The following RBMS3 variants were observed in gnomAD, a reference collection of about 807,000 sequenced individuals.
RBMS3 encodes the protein RNA binding motif single stranded interacting protein 3, also known as RNA-binding motif, single-stranded-interacting protein 3.
RBMS3 carries 27 observed loss-of-function variants against 66.8 expected under a neutral mutation model. The observed-to-expected ratio is 0.40, with a 90% CI of 0.30 to 0.56. The LOEUF (loss-of-function observed/expected upper bound fraction) is 0.56, where lower values mean the gene tolerates loss of function less well. Among genes scored for constraint, RBMS3 ranks in the 20% least tolerant of loss-of-function variants. The pLI is 0.40. For missense variants in RBMS3, 513 were observed against 549.5 expected, an observed-to-expected ratio of 0.93 and a Z score of 0.66; for synonymous variants, 188 against 183.0, an observed-to-expected ratio of 1.03 and a Z score of -0.22.
chr3:29,467,981 G>T lies in RBMS3; in HGVS notation c.249-20460G>T, dbSNP rs540807550. Among the ~76,000 whole-genome samples, 36 of 152,170 alleles carry T rather than the reference G, an allele frequency of 2.4e-4. 1 individual carries two copies. The South Asian group carries it at 7.3e-3, about 31-fold the overall frequency. ...ATTAAGAACTTTTTTCTTGGTAGAGGACTAAATAATGCTTTACCTCTTTGC... is the reference window on the plus strand; with the variant it reads ...ATTAAGAACTTTTTTCTTGGTAGAGTACTAAATAATGCTTTACCTCTTTGC... On this transcript the variant is annotated intron_variant, in intron 2 of 14. Transcript: ENST00000383767.
intron 4 of RBMS3, among the ~76,000 whole-genome samples, chr3:29,663,224 A>G (rs1460774992): frequency 2.0e-5 from 3 of 152,002 alleles, no homozygotes; most frequent in African/African-American, 7.2e-5. Flanking sequence ...AATCATCTTC[A>G]TGAACATTTC....
At chr3:29,639,982 G>A (rs2049635395) in intron 4 of RBMS3, among the ~76,000 whole-genome samples, 1 of 151,778 alleles carries the variant, frequency 6.6e-6, no homozygotes, top group African/African-American at 2.4e-5. Flanking sequence ...ATAATGTGTT[G>A]TCCTGAACTC....
chr3:29,532,055 T>C (rs902894309), intron 3 of RBMS3, among the ~76,000 whole-genome samples: 3 of 151,988 alleles, frequency 2.0e-5, no homozygotes, highest in Middle Eastern at 3.4e-3. Context: ...CCTGATAACA[T>C]TGCAGCCATT....
intron 1 of RBMS3, among the ~76,000 whole-genome samples, chr3:29,347,651 G>A (rs1281418229): frequency 1.3e-5 from 2 of 152,156 alleles, no homozygotes; most frequent in East Asian, 3.9e-4. Flanking sequence ...TTTTACCCCT[G>A]AAATTCATGA....
intron 7 of RBMS3, among the ~76,000 whole-genome samples, chr3:29,883,578 T>C (rs1367934098): frequency 6.6e-6 from 1 of 152,042 alleles, no homozygotes; most frequent in Non-Finnish European, 1.5e-5. Context: ...TACCTCCTTA[T>C]TAGCCATGTG....
chr3:29,524,530 CTA>C (rs1215001999), intron 3 of RBMS3, among the ~76,000 whole-genome samples: 1 of 144,390 alleles, frequency 6.9e-6, no homozygotes, highest in Non-Finnish European at 1.5e-5. Context: ...CGGTTTCAAG[CTA>C]TTCTCCTGCC....
intron 6 of RBMS3, among the ~76,000 whole-genome samples, chr3:29,780,779 C>T (rs1264418830): frequency 1.3e-5 from 2 of 152,062 alleles, no homozygotes; most frequent in East Asian, 3.9e-4. Context: ...CCTTATAATA[C>T]ATCTTATCTC....
intron 14 of RBMS3, among the ~76,000 whole-genome samples, chr3:29,996,030 T>A (rs200173131): frequency 0.051 from 7,718 of 151,986 alleles, 433 homozygotes; most frequent in East Asian, 0.16. Flanking sequence ...CCCATCTCAC[T>A]TGCAGAGACA....
At chr3:29,835,218 C>A (rs1018154930) in intron 6 of RBMS3, among the ~76,000 whole-genome samples, 1 of 151,880 alleles carries the variant, frequency 6.6e-6, no homozygotes, top group Non-Finnish European at 1.5e-5. Context: ...CTCTCAATAA[C>A]GAATAGATCG....
At chr3:29,709,769 A>G (rs1576585358) in intron 4 of RBMS3, among the ~76,000 whole-genome samples, 2 of 152,236 alleles carry the variant, frequency 1.3e-5, no homozygotes, top group Admixed American at 6.5e-5. Flanking sequence ...TAACTTTTAA[A>G]TAAACTGCCT....
chr3:29,361,167 T>C (rs1013308178), intron 1 of RBMS3, among the ~76,000 whole-genome samples: 1 of 152,064 alleles, frequency 6.6e-6, no homozygotes, highest in Middle Eastern at 3.2e-3. Flanking sequence ...ATTTAGCATG[T>C]TTTTGCAGTG....
At chr3:29,335,279 C>A (rs9845429) in intron 1 of RBMS3, among the ~76,000 whole-genome samples, 1 of 152,014 alleles carries the variant, frequency 6.6e-6, no homozygotes, top group East Asian at 1.9e-4. Context: ...AATGATAATG[C>A]GTACTGATAC....
At chr3:29,367,057 G>GTA (rs2037951078) in intron 1 of RBMS3, among the ~76,000 whole-genome samples, 1 of 152,064 alleles carries the variant, frequency 6.6e-6, no homozygotes, top group South Asian at 2.1e-4. Context: ...CTACAAATTT[G>GTA]TATATAACAT....
rs930037715 is a variant in RBMS3, at chr3:29,914,465, C to T, written c.939+14710C>T. Among the ~76,000 whole-genome samples, 3 of 151,952 alleles carry T rather than the reference C, an allele frequency of 2.0e-5. No individual in the cohort carries two copies. The East Asian group carries it at 5.8e-4, about 29-fold the overall frequency. On this transcript the variant is annotated intron_variant, in intron 10 of 14. Coordinates refer to ENST00000383767, the MANE Select transcript of RBMS3 (RefSeq NM_001003793.3). ...GATGAGATTTCTAGCAATTCGCTCA[C>T]TTTTCATAGTAATTACCATGCTTGA...
chr3:29,999,012 A>T (rs1370587755), intron 14 of RBMS3, among the ~76,000 whole-genome samples: 3 of 152,306 alleles, frequency 2.0e-5, no homozygotes, highest in African/African-American at 7.2e-5. Flanking sequence ...AATTTTCGCA[A>T]CCTACTCATC....
At chr3:29,302,333 G>A (rs1053489614) in intron 1 of RBMS3, among the ~76,000 whole-genome samples, 1 of 151,820 alleles carries the variant, frequency 6.6e-6, no homozygotes, top group African/African-American at 2.4e-5. Context: ...ATCACTGGTG[G>A]TACTTTCTGA....
chr3:29,994,918 A>T (rs1276689668), intron 14 of RBMS3, among the ~76,000 whole-genome samples: 3 of 152,374 alleles, frequency 2.0e-5, no homozygotes, highest in South Asian at 2.1e-4. Flanking sequence ...ACAAAGCTGG[A>T]TGGAGAATGA....
At chr3:29,631,014 T>C (rs902173810) in intron 4 of RBMS3, among the ~76,000 whole-genome samples, 3 of 151,934 alleles carry the variant, frequency 2.0e-5, no homozygotes, top group African/African-American at 4.8e-5. Flanking sequence ...AAAAATATTG[T>C]TTTTATTCTA....
At chr3:29,850,226 G>T (rs532664343) in intron 6 of RBMS3, among the ~76,000 whole-genome samples, 5 of 152,224 alleles carry the variant, frequency 3.3e-5, no homozygotes, top group Non-Finnish European at 5.9e-5. Flanking sequence ...TTATTAATGG[G>T]AACTTCTTGC....
Sources: gnomAD v4.1 joint callset for allele counts (sites outside exome capture counted in the v4.1 genomes callset) on GRCh38, gnomAD v4.1.1 for gene constraint, MANE v1.5 for transcripts, NCBI Gene and HGNC (gene_info 2026-07-23, HGNC 2026-07-21) for gene names.